GALNT18: variants seen among roughly 807,000 people sequenced by gnomAD.
The protein encoded by GALNT18 is GalNAc-transferase 18.
In GALNT18, 44 loss-of-function variants were observed where a neutral mutation model predicts 69.5. The ratio of observed to expected loss-of-function variants is 0.63; its 90% CI spans 0.50 to 0.81. The LOEUF (loss-of-function observed/expected upper bound fraction) is 0.81, where lower values mean the gene tolerates loss of function less well. Among genes scored for constraint, GALNT18 ranks in the 40% least tolerant of loss-of-function variants. The pLI, the probability that GALNT18 is intolerant of heterozygous loss-of-function variation, is 0.00. For missense variants in GALNT18, 715 were observed against 810.0 expected, an observed-to-expected ratio of 0.88 and a Z score of 1.42; for synonymous variants, 364 against 318.2, an observed-to-expected ratio of 1.14 and a Z score of -1.53.
rs926801408 is a variant in GALNT18 at position 11,382,279 on chromosome 11, A to T, written c.596-3015T>A. On this transcript the variant is annotated intron_variant, in intron 3 of 10. Coordinates refer to ENST00000227756, the MANE Select transcript of GALNT18 (RefSeq NM_198516.3). The surrounding 1 kb of genome is among the most constrained non-coding windows in gnomAD (Gnocchi z 4.3). ...AAAATGCCTTGAAGTACCCTAGATG[A>T]TACTGGCTCTGTCTTTGCAAAGTAC... 1.3e-5 allele frequency among the ~76,000 whole-genome samples: 2 copies of T among 152,242 alleles called. No homozygotes were observed. The highest frequency in any genetic ancestry group is 4.8e-5 in the African/African-American group (2 of 41,462).
At chr11:11,333,603 A>G (rs1850056941) in intron 7 of GALNT18, among the ~76,000 whole-genome samples, 1 of 152,144 alleles carries the variant, frequency 6.6e-6, no homozygotes, top group Non-Finnish European at 1.5e-5. Flanking sequence ...GCCTCCTCGG[A>G]CCAAGTCCTT....
At position 11,372,558 on chromosome 11, in the gene GALNT18, C is replaced by T. The variant is rs1204415494; in HGVS notation, c.1049G>A (p.Gly350Asp). 1 of 1,614,104 alleles carries T rather than the reference C, an allele frequency of 6.2e-7. No homozygotes were observed. The highest frequency in any genetic ancestry group is 1.3e-5 in the African/African-American group (1 of 74,952). ...YFQEIGLLDE[G>D]MEVYGGENVE... ...ATTCTCGCCCCCGTAGACTTCCATG[C>T]CTTCGTCCAGCAGGCCGATCTCCTG... is the stretch of plus-strand genomic sequence containing the variant. The change falls in exon 6 of 11, where the codon GGC becomes GAC. Residue 350 changes from glycine to aspartate, a missense_variant. By Grantham distance (94) the Gly-to-Asp change is moderately conservative (BLOSUM62 -1). Coordinates refer to ENST00000227756, the MANE Select transcript of GALNT18 (RefSeq NM_198516.3). The surrounding 1 kb of genome is among the most constrained non-coding windows in gnomAD (Gnocchi z 4.9).
chr11:11,437,152 G>A (rs1443042850), intron 2 of GALNT18, among the ~76,000 whole-genome samples: 2 of 152,160 alleles, frequency 1.3e-5, no homozygotes, highest in Non-Finnish European at 2.9e-5. Context: ...ACAGAGCTCT[G>A]GGAGTCACAC....
chr11:11,306,592 C>T (rs1849582652), intron 9 of GALNT18, among the ~76,000 whole-genome samples: 1 of 152,142 alleles, frequency 6.6e-6, no homozygotes, highest in Admixed American at 6.5e-5. Flanking sequence ...AGATGGATTG[C>T]ACTATGACAG....
At chr11:11,575,138 G>A (rs1858891092) in intron 1 of GALNT18, among the ~76,000 whole-genome samples, 1 of 152,112 alleles carries the variant, frequency 6.6e-6, no homozygotes, top group Non-Finnish European at 1.5e-5. Flanking sequence ...ACTAATTCCT[G>A]GCAGGGTATG....
chr11:11,491,806 A>G (rs902864153), intron 1 of GALNT18, among the ~76,000 whole-genome samples: 1 of 152,164 alleles, frequency 6.6e-6, no homozygotes, highest in Non-Finnish European at 1.5e-5. Flanking sequence ...CACACCACAG[A>G]GGTGCGGACG....
chr11:11,445,580 T>G (rs939812718), intron 2 of GALNT18, among the ~76,000 whole-genome samples: 1 of 152,196 alleles, frequency 6.6e-6, no homozygotes, highest in African/African-American at 2.4e-5. Flanking sequence ...TTTTGTGTGG[T>G]CCACCAACAG....
chr11:11,580,445 T>C (rs1280151837), intron 1 of GALNT18, among the ~76,000 whole-genome samples: 2 of 152,178 alleles, frequency 1.3e-5, no homozygotes, highest in African/African-American at 4.8e-5. Context: ...CCCAGACTGT[T>C]CCTCCACTTA....
intron 1 of GALNT18, among the ~76,000 whole-genome samples, chr11:11,588,121 C>T (rs961826207): frequency 5.9e-5 from 9 of 152,110 alleles, no homozygotes; most frequent in Non-Finnish European, 1.3e-4. Flanking sequence ...CCTACACACC[C>T]ATCTGCTCAG....
chr11:11,575,725 C>A (rs1858910337), intron 1 of GALNT18, among the ~76,000 whole-genome samples: 1 of 152,050 alleles, frequency 6.6e-6, no homozygotes, highest in South Asian at 2.1e-4. Context: ...TGAAAAACAG[C>A]AAATGCTGTG....
chr11:11,323,520 A>C (rs967501208), intron 9 of GALNT18, among the ~76,000 whole-genome samples: 2 of 152,246 alleles, frequency 1.3e-5, no homozygotes, highest in African/African-American at 4.8e-5. Flanking sequence ...GGGTGCCAGC[A>C]TCACTACCGT....
chr11:11,522,218 C>T (rs182604779), intron 1 of GALNT18, among the ~76,000 whole-genome samples: 2 of 152,306 alleles, frequency 1.3e-5, no homozygotes, highest in East Asian at 3.9e-4. Flanking sequence ...TGGGGAATAA[C>T]CATCAGGTCA....
intron 3 of GALNT18, among the ~76,000 whole-genome samples, chr11:11,409,557 T>C (rs1346932815): frequency 6.6e-6 from 1 of 152,028 alleles, no homozygotes; most frequent in Non-Finnish European, 1.5e-5. Context: ...AGCCCCATGA[T>C]ACATCTGTAC....
In GALNT18 at chr11:11,555,496, T is replaced by C. The variant is rs559411584; in HGVS notation, c.235+65863A>G. On this transcript the variant is annotated intron_variant, in intron 1 of 10. Transcript: ENST00000227756. This position sits in a 1 kb window ranked among gnomAD's most constrained non-coding sequence, Gnocchi z 4.7. ...GCGTGAGTCTCCTGTGACAAAGCTCTCCTGGGCCCTGGCTACTGACTTTAA... is the reference window on the plus strand; with the variant it reads ...GCGTGAGTCTCCTGTGACAAAGCTCCCCTGGGCCCTGGCTACTGACTTTAA... 1.3e-5 allele frequency among the ~76,000 whole-genome samples: 2 copies of C among 152,322 alleles called. No homozygotes were observed. The highest frequency in any genetic ancestry group is 2.1e-4 in the South Asian group (1 of 4,826).
At position 11,327,644 on chromosome 11, in the gene GALNT18, T is replaced by C. The variant is rs372475236; in HGVS notation, c.1417-463A>G. Among the ~76,000 whole-genome samples, 4 of 152,306 alleles carry C rather than the reference T, an allele frequency of 2.6e-5. No individual in the cohort carries two copies. In the East Asian group the frequency reaches 7.7e-4, roughly 29 times the overall value. On this transcript the variant is annotated intron_variant, in intron 8 of 10. Coordinates refer to ENST00000227756, the MANE Select transcript of GALNT18 (RefSeq NM_198516.3). ...ACCCAGCAGTGGCTTGGCCAGCCCC[T>C]TGGTGGCCCACTGCTTAGGGTCTTC...
In GALNT18 at chr11:11,555,522, C is replaced by T. The variant is rs1313878343; in HGVS notation, c.235+65837G>A. ...CCTGGGCCCTGGCTACTGACTTTAA[C>T]CTGGCTTTGAATGCCCTGGCTTTAG... On this transcript the variant is annotated intron_variant, in intron 1 of 10. Coordinates refer to ENST00000227756, the MANE Select transcript of GALNT18 (RefSeq NM_198516.3). The surrounding 1 kb of genome is among the most constrained non-coding windows in gnomAD (Gnocchi z 4.7). Among the ~76,000 whole-genome samples the T allele has an allele frequency of 2.6e-5, 4 of 152,192 alleles. No individual in the cohort carries two copies. Among genetic ancestry groups the T allele is most frequent in the African/African-American group, 9.7e-5 (4 of 41,448 alleles).
In GALNT18 at chr11:11,500,818, C is replaced by T. The variant is rs1856958494; in HGVS notation, c.236-51882G>A. Among the ~76,000 whole-genome samples the T allele has an allele frequency of 6.6e-6, 1 of 152,186 alleles. No homozygotes were observed. The highest frequency in any genetic ancestry group is 1.5e-5 in the Non-Finnish European group (1 of 68,032). ...GTACAAATAAAGAAGGTAAAAAGGC[C>T]GGGCACAGCACCAGGCTCTCCCCAA... On this transcript the variant is annotated intron_variant, in intron 1 of 10. Transcript: ENST00000227756. This position sits in a 1 kb window ranked among gnomAD's most constrained non-coding sequence, Gnocchi z 5.0.
At chr11:11,313,749 C>T (rs1403088587) in intron 9 of GALNT18, among the ~76,000 whole-genome samples, 2 of 152,158 alleles carry the variant, frequency 1.3e-5, no homozygotes, top group East Asian at 1.9e-4. Context: ...AGTTACATAC[C>T]TGCCTTAAGC....
chr11:11,569,392 G>A (rs1858730786), intron 1 of GALNT18, among the ~76,000 whole-genome samples: 2 of 152,110 alleles, frequency 1.3e-5, no homozygotes, highest in African/African-American at 2.4e-5. Flanking sequence ...GCTGGAAAAA[G>A]GTTCTTTGGA....
Sources: allele counts gnomAD v4.1 joint callset (sites outside exome capture counted in the v4.1 genomes callset), GRCh38; gene constraint gnomAD v4.1.1; non-coding constraint Gnocchi (gnomAD v3.1); transcripts MANE v1.5; gene names NCBI Gene and HGNC (gene_info 2026-07-23, HGNC 2026-07-21).